The following HERC2 variants were observed in gnomAD, a reference collection of about 807,000 sequenced individuals.
The protein encoded by HERC2 is E3 ubiquitin-protein ligase HERC2.
Under a neutral mutation model 537.7 loss-of-function variants are expected in HERC2, and 102 were observed. The observed-to-expected ratio is 0.19, with a 90% CI of 0.16 to 0.22. HERC2 has a LOEUF of 0.22. Ranked by LOEUF, HERC2 falls within the 10% of genes least tolerant of loss-of-function variation. The pLI is 1.00. For synonymous variants in HERC2, 2,224 were observed against 2,466.2 expected (o/e 0.90, Z 2.91); for missense variants, 4,236 against 6,198.2 (o/e 0.68, Z 10.63).
chr15:28,220,552 G>A lies in HERC2; in HGVS notation c.5745C>T (p.Ser1915=), dbSNP rs755212706. The A allele has an allele frequency of 6.2e-7, 1 of 1,601,012 alleles. No homozygotes were observed. Among genetic ancestry groups the A allele is most frequent in the African/African-American group, 1.3e-5 (1 of 74,870 alleles). The change falls in exon 37 of 93, where the codon TCC becomes TCT. Residue 1915 remains serine (S), a synonymous_variant. Transcript: ENST00000261609. ...ATTTTCCTTCTTTCCCCATCCTGTAGGAGTTGGTGCTGCCTGTGTCCCACT... is the reference window on the plus strand; with the variant it reads ...ATTTTCCTTCTTTCCCCATCCTGTAAGAGTTGGTGCTGCCTGTGTCCCACT... ...RVQWDTGSTN[S]YRMGKEGKYD...
At chr15:28,207,471 TA>T (rs1019962583) in intron 44 of HERC2, among the ~76,000 whole-genome samples, 3 of 152,334 alleles carry the variant, frequency 2.0e-5, no homozygotes, top group Admixed American at 6.5e-5. Context: ...ACGGCTTCAG[TA>T]ACCCCTGACA....
chr15:28,114,242 G>A (rs1477744154), intron 90 of HERC2, among the ~76,000 whole-genome samples: 3 of 152,316 alleles, frequency 2.0e-5, no homozygotes, highest in South Asian at 2.1e-4. Flanking sequence ...ACACCTGGGC[G>A]CCTGGCAAAG....
In HERC2 at chr15:28,298,005, T is replaced by TTGTGTGTGTGTG. The variant is rs373425948; in HGVS notation, c.187+1385_187+1396dup. On this transcript the variant is annotated intron_variant, in intron 3 of 92. Transcript: ENST00000261609. ...ACTCACTGTACACGTCTGTCAGTTA[T>TTGTGTGTGTGTG]TGTGTGTGTGTGTGTGTGTGTGTGT... Among the ~76,000 whole-genome samples, 29 of 130,600 alleles carry TTGTGTGTGTGTG rather than the reference T, an allele frequency of 2.2e-4. No individual in the cohort carries two copies. In the East Asian group the frequency reaches 5.0e-3, roughly 22 times the overall value. The allele number at this position is 130,600 out of a possible 152,430, so 85.7% of individuals were successfully genotyped here. A position where few individuals can be genotyped will look rare whatever the true frequency, so the allele number is the denominator to read the frequency against.
intron 2 of HERC2, among the ~76,000 whole-genome samples, chr15:28,301,351 G>A (rs1346299339): frequency 6.6e-6 from 1 of 151,936 alleles, no homozygotes; most frequent in Non-Finnish European, 1.5e-5. Flanking sequence ...GGAGGCCAAG[G>A]TTGCAGTGGG....
intron 34 of HERC2, 123 bp from the exon 35 acceptor site, chr15:28,228,532 C>T (rs1432640420): frequency 3.5e-6 from 3 of 868,776 alleles, no homozygotes; most frequent in South Asian, 3.5e-5. Flanking sequence ...ATTTCTTCTG[C>T]ATGGATGCAA....
At chr15:28,137,262 C>A (rs1334436040) in intron 78 of HERC2, among the ~76,000 whole-genome samples, 1 of 152,198 alleles carries the variant, frequency 6.6e-6, no homozygotes, top group Non-Finnish European at 1.5e-5. Context: ...ACCACTTCAA[C>A]ACCTGTGCTA....
chr15:28,226,456 T>A (rs1243262005), intron 35 of HERC2, among the ~76,000 whole-genome samples: 1 of 151,806 alleles, frequency 6.6e-6, no homozygotes, highest in Non-Finnish European at 1.5e-5. Flanking sequence ...GAAATAAACC[T>A]AAATATCCAC....
Position 28,113,989 on chromosome 15 carries a change from G to A in HERC2, c.13914-311C>T, listed in dbSNP as rs2142038244. ...CAGCACCAAGAGGGGAAACACATGTGCATCCGCCCCAGGCCCGAGACACTG... is the reference window on the plus strand; with the variant it reads ...CAGCACCAAGAGGGGAAACACATGTACATCCGCCCCAGGCCCGAGACACTG... On this transcript the variant is annotated intron_variant, in intron 90 of 92. Coordinates refer to ENST00000261609, the MANE Select transcript of HERC2 (RefSeq NM_004667.6). The surrounding 1 kb of genome is among the most constrained non-coding windows in gnomAD (Gnocchi z 7.0). Among the ~76,000 whole-genome samples the A allele has an allele frequency of 6.6e-6, 1 of 152,284 alleles. No homozygotes were observed. The highest frequency in any genetic ancestry group is 2.4e-5 in the African/African-American group (1 of 41,556).
In HERC2 at chr15:28,238,748, C is replaced by A; in HGVS notation, c.3602G>T (p.Cys1201Phe). 1 of 1,611,146 alleles carries A rather than the reference C, an allele frequency of 6.2e-7. No individual in the cohort carries two copies. Among genetic ancestry groups the A allele is most frequent in the Non-Finnish European group, 8.5e-7 (1 of 1,179,112 alleles). ...AAGTGTCACTTCCTCATTATTTCTA[C>A]AGTTCTGACCTGTAAAAAATGACTC... ...IMESFFTGQN[C>F]RNNEEVTLIR... The change falls in exon 24 of 93, where the codon TGT becomes TTT. Residue 1201 changes from cysteine to phenylalanine, a missense_variant. Cys to Phe is a radical substitution (Grantham distance 205). Coordinates refer to ENST00000261609, the MANE Select transcript of HERC2 (RefSeq NM_004667.6).
rs560315083 is a variant in HERC2 at position 28,222,199 on chromosome 15, G to A, written c.5481C>T (p.Asn1827=). 3.5e-5 allele frequency: 56 copies of A among 1,593,288 alleles called. No homozygotes were observed. In the South Asian group the frequency reaches 5.3e-4, roughly 15 times the overall value. ...ALRLIGPSCD[N]VEEDMNASAQ... ...CAGAAGCATTCATATCTTCCTCAAC[G>A]TTGTCACAACTGGGGCCTGATGGAG... is the stretch of plus-strand genomic sequence containing the variant. The change falls in exon 36 of 93, where the codon AAC becomes AAT. Residue 1827 remains asparagine (N), a synonymous_variant. Coordinates refer to ENST00000261609, the MANE Select transcript of HERC2 (RefSeq NM_004667.6).
chr15:28,254,058 C>A (rs888776215), intron 20 of HERC2, among the ~76,000 whole-genome samples: 28 of 149,898 alleles, frequency 1.9e-4, no homozygotes, highest in African/African-American at 6.9e-4. Context: ...CCAAGGCGGG[C>A]GGATCACCTG....
intron 84 of HERC2, among the ~76,000 whole-genome samples, chr15:28,124,563 AT>A (rs78766958): frequency 2.9e-5 from 1 of 34,900 alleles, no homozygotes; most frequent in East Asian, 4.5e-3. Flanking sequence ...TGGCATGAAC[AT>A]TCAAGGTTCT....
intron 27 of HERC2, 34 bp from the exon 28 acceptor site, chr15:28,233,830 C>T (rs763665604): frequency 1.2e-6 from 2 of 1,610,634 alleles, no homozygotes; most frequent in Non-Finnish European, 1.7e-6. Context: ...AACTTCAGAG[C>T]CACCCAGTGA....
rs769096454 is a variant in HERC2, at chr15:28,202,177, G to A, written c.7553C>T (p.Thr2518Met). 69 of 1,584,022 alleles carry A rather than the reference G, an allele frequency of 4.4e-5. No individual in the cohort carries two copies. Among genetic ancestry groups the A allele is most frequent in the Middle Eastern group, 1.7e-4 (1 of 5,982 alleles). The change falls in exon 47 of 93, where the codon ACG (threonine) becomes ATG (methionine). Residue 2518 changes from threonine (T) to methionine (M), a missense_variant. By Grantham distance (81) the Thr-to-Met change is moderately conservative. Coordinates refer to ENST00000261609, the MANE Select transcript of HERC2 (RefSeq NM_004667.6). ...IQVTELSDAD[T>M]VSDEYSDEEV... is the part of the protein sequence containing the mutation. ...CTCGTCAGAATACTCGTCGGACACC[G>A]TGTCTGCATCTGAGAGCTCCGTGAC...
rs758062492 is a variant in HERC2 at position 28,270,763 on chromosome 15, T to C, written c.1189A>G (p.Met397Val). The change falls in exon 10 of 93, where the codon ATG becomes GTG. Residue 397 changes from methionine (M) to valine (V), a missense_variant. Coordinates refer to ENST00000261609, the MANE Select transcript of HERC2 (RefSeq NM_004667.6). The stretch of plus-strand genomic sequence containing the variant: ...GTAGCCAGACGGTCTAAATGGGCCA[T>C]GACAACAACCGCCGTTTGTCGCAGA... ...IDLRQTAVVVMAHLDRLATPC... is the reference protein window; with the variant it reads ...IDLRQTAVVVVAHLDRLATPC... 1.9e-6 allele frequency: 3 copies of C among 1,613,964 alleles called. No individual in the cohort carries two copies. Among genetic ancestry groups the C allele is most frequent in the Middle Eastern group, 1.7e-4 (1 of 6,056 alleles).
intron 55 of HERC2, among the ~76,000 whole-genome samples, chr15:28,189,930 T>C (rs561970775): frequency 6.6e-6 from 1 of 152,282 alleles, no homozygotes; most frequent in Non-Finnish European, 1.5e-5. Context: ...CTATTTGATA[T>C]TTTTATCTGC....
At chr15:28,130,028 C>A (rs1323191136) in intron 83 of HERC2, 135 bp downstream of exon 83, 3 of 1,044,356 alleles carry the variant, frequency 2.9e-6, no homozygotes, top group Middle Eastern at 2.1e-4. Flanking sequence ...CTGCCTCAGC[C>A]TCCCAAAGTG....
In HERC2 at chr15:28,265,074, GC is replaced by G. The variant is rs1442629074; in HGVS notation, c.1870+543del. On this transcript the variant is annotated intron_variant, in intron 14 of 92. Transcript: ENST00000261609. This position sits in a 1 kb window ranked among gnomAD's most constrained non-coding sequence, Gnocchi z 4.0. The stretch of plus-strand genomic sequence containing the variant: ...GATTATAACGGAAAGACTCCACAAC[GC>G]CAGAGACACACAAGATGCCAAGGAC... 3.3e-5 allele frequency among the ~76,000 whole-genome samples: 5 copies of G among 152,070 alleles called. No individual in the cohort carries two copies. The highest frequency in any genetic ancestry group is 1.2e-4 in the African/African-American group (5 of 41,408).
At chr15:28,281,318 T>C (rs1465083637) in intron 4 of HERC2, among the ~76,000 whole-genome samples, 1 of 152,200 alleles carries the variant, frequency 6.6e-6, no homozygotes, top group Non-Finnish European at 1.5e-5. Context: ...CAGATCATTA[T>C]AAGGGAATTG....
Sources: gnomAD v4.1 joint callset for allele counts (sites outside exome capture counted in the v4.1 genomes callset) on GRCh38, gnomAD v4.1.1 for gene constraint, Gnocchi (gnomAD v3.1) non-coding constraint, MANE v1.5 for transcripts, NCBI Gene and HGNC (gene_info 2026-07-23, HGNC 2026-07-21) for gene names.